Variants in SLC25A26 observed in about 807,000 individuals in gnomAD.
The protein encoded by SLC25A26 is solute carrier family 25 member 26.
A neutral mutation model predicts 37.8 loss-of-function variants in SLC25A26; 36 were observed. The ratio of observed to expected loss-of-function variants is 0.95; its 90% CI spans 0.73 to 1.26. The LOEUF (loss-of-function observed/expected upper bound fraction) is 1.26. Among genes scored for constraint, SLC25A26 ranks in the 50% most tolerant of loss-of-function variants. SLC25A26 has a pLI of 0.00. For missense variants in SLC25A26, 390 were observed against 331.1 expected (o/e 1.18, Z -1.38); for synonymous variants, 129 against 122.5 (o/e 1.05, Z -0.35).
intron 5 of SLC25A26, among the ~76,000 whole-genome samples, chr3:66,284,103 T>G (rs2074431789): frequency 6.6e-6 from 1 of 152,200 alleles, no homozygotes. Flanking sequence ...TCCCAGCACT[T>G]TGGGAGGCTG....
intron 5 of SLC25A26, among the ~76,000 whole-genome samples, chr3:66,315,316 G>A (rs531922306): frequency 3.3e-5 from 5 of 151,946 alleles, no homozygotes; most frequent in African/African-American, 1.2e-4. Flanking sequence ...ATTCTGATAC[G>A]TTGTTTCTTT....
At chr3:66,200,433 G>T (rs1004062445) in intron 1 of SLC25A26, among the ~76,000 whole-genome samples, 153 of 152,320 alleles carry the variant, frequency 1.0e-3, no homozygotes, top group African/African-American at 3.5e-3. Context: ...CTTGGCTCAT[G>T]GCTCACAGCT....
intron 1 of SLC25A26, among the ~76,000 whole-genome samples, chr3:66,144,223 C>T (rs2070081488): frequency 6.6e-6 from 1 of 152,054 alleles, no homozygotes; most frequent in South Asian, 2.1e-4. Context: ...GAGACTGAGC[C>T]AAGACTGCAA....
At chr3:66,263,453 C>A in intron 5 of SLC25A26, 74 bp downstream of exon 5, 3 of 878,564 alleles carry the variant, frequency 3.4e-6, no homozygotes, top group Non-Finnish European at 3.7e-6. Context: ...TACTACTTAA[C>A]AATTAGAAAT....
At chr3:66,359,582 T>C (rs898550080) in intron 6 of SLC25A26, among the ~76,000 whole-genome samples, 2 of 152,236 alleles carry the variant, frequency 1.3e-5, no homozygotes, top group Admixed American at 1.3e-4. Context: ...GTTTATATTT[T>C]GCATTGCTTT....
intron 6 of SLC25A26, among the ~76,000 whole-genome samples, chr3:66,349,514 C>A (rs377664964): frequency 6.6e-6 from 1 of 151,744 alleles, no homozygotes; most frequent in Non-Finnish European, 1.5e-5. Flanking sequence ...TTTTGAGATG[C>A]TTTCCTGTTG....
At chr3:66,350,018 C>T (rs994944046) in intron 6 of SLC25A26, among the ~76,000 whole-genome samples, 3 of 152,176 alleles carry the variant, frequency 2.0e-5, no homozygotes, top group African/African-American at 7.2e-5. Flanking sequence ...CGTACAATCA[C>T]AGTGCTTTTG....
intron 6 of SLC25A26, among the ~76,000 whole-genome samples, chr3:66,354,499 T>G (rs1476839608): frequency 6.6e-6 from 1 of 152,246 alleles, no homozygotes; most frequent in Non-Finnish European, 1.5e-5. Flanking sequence ...GTTTTATAAG[T>G]ATTTTAAACG....
At chr3:66,254,310 G>A (rs1043481836) in intron 3 of SLC25A26, among the ~76,000 whole-genome samples, 1 of 152,148 alleles carries the variant, frequency 6.6e-6, no homozygotes, top group Non-Finnish European at 1.5e-5. Flanking sequence ...ATTCTTAATT[G>A]GAAACCTGCT....
chr3:66,315,489 T>C (rs1233831600), intron 5 of SLC25A26, among the ~76,000 whole-genome samples: 1 of 152,156 alleles, frequency 6.6e-6, no homozygotes, highest in Non-Finnish European at 1.5e-5. Flanking sequence ...AAGAGACTGT[T>C]TGTTATGATT....
At chr3:66,268,737 G>T (rs142767460) in intron 5 of SLC25A26, among the ~76,000 whole-genome samples, 2 of 152,284 alleles carry the variant, frequency 1.3e-5, no homozygotes, top group East Asian at 3.9e-4. Context: ...TAATCCCCAC[G>T]TGGCAGGGGA....
At chr3:66,319,426 TCGCG>T (rs1306595664) in intron 5 of SLC25A26, among the ~76,000 whole-genome samples, 2 of 152,168 alleles carry the variant, frequency 1.3e-5, no homozygotes, top group Non-Finnish European at 2.9e-5. Context: ...TTAAAAAACT[TCGCG>T]CGCTTTTATT....
intron 1 of SLC25A26, among the ~76,000 whole-genome samples, chr3:66,172,029 C>T (rs895157296): frequency 6.6e-6 from 1 of 152,186 alleles, no homozygotes; most frequent in Non-Finnish European, 1.5e-5. Flanking sequence ...ACATCCTGCG[C>T]TCCCCTCCTC....
At chr3:66,285,844 A>G (rs978835154) in intron 5 of SLC25A26, among the ~76,000 whole-genome samples, 1 of 152,122 alleles carries the variant, frequency 6.6e-6, no homozygotes, top group Non-Finnish European at 1.5e-5. Context: ...GGAGCTAACC[A>G]CAGAAACAAG....
chr3:66,359,264 A>C (rs2076644379), intron 6 of SLC25A26, among the ~76,000 whole-genome samples: 1 of 152,110 alleles, frequency 6.6e-6, no homozygotes, highest in African/African-American at 2.4e-5. Context: ...CTGTCACCTC[A>C]CTTCTCTCTT....
intron 1 of SLC25A26, among the ~76,000 whole-genome samples, chr3:66,173,427 C>G (rs1481732136): frequency 1.3e-5 from 2 of 152,150 alleles, no homozygotes; most frequent in Non-Finnish European, 2.9e-5. Context: ...CCACTACAGT[C>G]TTGTAGGTAA....
intron 3 of SLC25A26, among the ~76,000 whole-genome samples, chr3:66,252,222 C>T (rs2073112329): frequency 6.6e-6 from 1 of 152,130 alleles, no homozygotes; most frequent in African/African-American, 2.4e-5. Flanking sequence ...GATTAGGGTT[C>T]TTGAATTAAA....
chr3:66,262,688 T>C (rs2073577110), intron 4 of SLC25A26, among the ~76,000 whole-genome samples: 1 of 152,178 alleles, frequency 6.6e-6, no homozygotes, highest in African/African-American at 2.4e-5. Context: ...ATCAATCACA[T>C]GGGAATTTTC....
chr3:66,301,443 C>T (rs1340607881), intron 5 of SLC25A26, among the ~76,000 whole-genome samples: 2 of 152,156 alleles, frequency 1.3e-5, no homozygotes, highest in South Asian at 2.1e-4. Context: ...ACAACCAATT[C>T]GTCTATGCCT....
Sources: gnomAD v4.1 joint callset for allele counts (sites outside exome capture counted in the v4.1 genomes callset) on GRCh38, gnomAD v4.1.1 for gene constraint, MANE v1.5 for transcripts, NCBI Gene and HGNC (gene_info 2026-07-23, HGNC 2026-07-21) for gene names.